Variants in ATAD2B observed in about 807,000 individuals in gnomAD.
ATAD2B encodes the protein ATPase family AAA domain-containing protein 2B.
Under a neutral mutation model 167.6 loss-of-function variants are expected in ATAD2B, and 40 were observed. The ratio of observed to expected loss-of-function variants is 0.24; its 90% CI spans 0.19 to 0.31. The LOEUF (loss-of-function observed/expected upper bound fraction) is 0.31, where lower values mean the gene tolerates loss of function less well. Among genes scored for constraint, ATAD2B ranks in the 10% least tolerant of loss-of-function variants. The pLI, the probability that ATAD2B is intolerant of heterozygous loss-of-function variation, is 1.00. For missense variants in ATAD2B, 1,242 were observed against 1,757.2 expected, an observed-to-expected ratio of 0.71 and a Z score of 5.24; for synonymous variants, 579 against 596.5, an observed-to-expected ratio of 0.97 and a Z score of 0.43.
the ATAD2B span, among the ~76,000 whole-genome samples, chr2:23,724,177 T>C: frequency 6.6e-6 from 1 of 152,124 alleles, no homozygotes; most frequent in Non-Finnish European, 1.5e-5. Context: ...AAATCACAGC[T>C]AGATAGGAGG....
At chr2:23,789,864 T>A (rs1352932194) in intron 19 of ATAD2B, among the ~76,000 whole-genome samples, 1 of 152,168 alleles carries the variant, frequency 6.6e-6, no homozygotes, top group Non-Finnish European at 1.5e-5. Context: ...CTTAAGGTAA[T>A]AAAGTGAATA....
the ATAD2B span, chr2:23,691,910 G>T: frequency 0.02 from 30,054 of 1,537,108 alleles, 321 homozygotes; most frequent in South Asian, 0.03. Flanking sequence ...CGCTTGGGGG[G>T]AAGAGTGCAG....
At chr2:23,904,227 T>C (rs1447769736) in intron 1 of ATAD2B, among the ~76,000 whole-genome samples, 2 of 151,940 alleles carry the variant, frequency 1.3e-5, no homozygotes, top group East Asian at 3.9e-4. Flanking sequence ...AATGCCTAAT[T>C]AATGGGGATA....
At chr2:23,694,432 G>A in the ATAD2B span, among the ~76,000 whole-genome samples, 2 of 151,954 alleles carry the variant, frequency 1.3e-5, no homozygotes, top group East Asian at 3.9e-4. Context: ...CCTCTGTCTT[G>A]CTCCCTCCAA....
chr2:23,902,044 G>T (rs1700905443), intron 1 of ATAD2B, among the ~76,000 whole-genome samples: 3 of 151,954 alleles, frequency 2.0e-5, no homozygotes, highest in African/African-American at 7.3e-5. Context: ...TCAAACTGTT[G>T]TTTACATACT....
chr2:23,836,061 G>C (rs1234836231), intron 13 of ATAD2B, among the ~76,000 whole-genome samples: 1 of 152,152 alleles, frequency 6.6e-6, no homozygotes. Context: ...GACCTGCTGG[G>C]CTCATTCCAC....
At chr2:23,708,718 A>ACTT in the ATAD2B span, 1 of 152,352 alleles carries the variant, frequency 6.6e-6, no homozygotes, top group Non-Finnish European at 1.5e-5. Context: ...TTAGTGCAGA[A>ACTT]CTTAATGATT....
At chr2:23,807,254 AGATT>A (rs968287823) in intron 18 of ATAD2B, among the ~76,000 whole-genome samples, 37 of 151,940 alleles carry the variant, frequency 2.4e-4, no homozygotes, top group African/African-American at 8.0e-4. Flanking sequence ...ACTAATATAA[AGATT>A]AATAGTAGTG....
chr2:23,885,795 T>G lies in ATAD2B; in HGVS notation c.607A>C (p.Ile203Leu). 1 of 1,594,926 alleles carries G rather than the reference T, an allele frequency of 6.3e-7. No individual in the cohort carries two copies. The highest frequency in any genetic ancestry group is 8.6e-7 in the Non-Finnish European group (1 of 1,169,246). Reference sequence around the variant, plus strand: ...GATCGACGATTCCGTCGGATGTTAATGTTGTCCATTTCCTGTAGTACAGCT... The same window carrying G: ...GATCGACGATTCCGTCGGATGTTAAGGTTGTCCATTTCCTGTAGTACAGCT... ...AEAVLQEMDN[I>L]NIRRNRRSGE... The change falls in exon 5 of 28, where the codon ATT (isoleucine) becomes CTT (leucine). Residue 203 changes from isoleucine (I) to leucine (L), a missense_variant. Ile to Leu is a conservative substitution (Grantham distance 5). Transcript: ENST00000238789.
the ATAD2B span, among the ~76,000 whole-genome samples, chr2:23,712,323 T>A: frequency 6.6e-6 from 1 of 152,192 alleles, no homozygotes. Flanking sequence ...ATAGTCCTCT[T>A]TAGAAGTGGT....
intron 15 of ATAD2B, among the ~76,000 whole-genome samples, chr2:23,827,410 T>G (rs1398627895): frequency 6.6e-6 from 1 of 152,168 alleles, no homozygotes; most frequent in Non-Finnish European, 1.5e-5. Context: ...AGAATTAAAC[T>G]AGAGTATATA....
At chr2:23,800,134 A>G (rs1326283270) in intron 18 of ATAD2B, 2 of 152,212 alleles carry the variant, frequency 1.3e-5, no homozygotes, top group Non-Finnish European at 2.9e-5. Flanking sequence ...GGTTACGTGG[A>G]AGACAGTGAC....
At chr2:23,857,900 C>A (rs999831487) in intron 12 of ATAD2B, among the ~76,000 whole-genome samples, 2 of 151,664 alleles carry the variant, frequency 1.3e-5, no homozygotes, top group African/African-American at 4.8e-5. Context: ...CACCACCACG[C>A]CCGGCTAATT....
intron 1 of ATAD2B, 73 bp from the exon 2 acceptor site, chr2:23,896,043 G>T: frequency 7.7e-7 from 1 of 1,296,656 alleles, no homozygotes; most frequent in South Asian, 1.4e-5. Flanking sequence ...TAGGGGCCAG[G>T]CAGTGGCTCA....
chr2:23,835,316 G>C (rs1037449975), intron 13 of ATAD2B, among the ~76,000 whole-genome samples: 2 of 152,108 alleles, frequency 1.3e-5, no homozygotes, highest in Admixed American at 1.3e-4. Flanking sequence ...CCATACAATG[G>C]AACAGTATTC....
intron 24 of ATAD2B, among the ~76,000 whole-genome samples, chr2:23,759,220 G>A (rs1416205247): frequency 6.6e-6 from 1 of 151,794 alleles, no homozygotes; most frequent in African/African-American, 2.4e-5. Context: ...TTTTTTCTGT[G>A]GTTATGAACA....
At chr2:23,803,760 C>T (rs557636971) in intron 18 of ATAD2B, among the ~76,000 whole-genome samples, 1 of 152,256 alleles carries the variant, frequency 6.6e-6, no homozygotes, top group South Asian at 2.1e-4. Context: ...ACATGATCCC[C>T]ACAGTATAAA....
At chr2:23,832,865 T>C (rs1013198300) in intron 14 of ATAD2B, among the ~76,000 whole-genome samples, 3 of 152,220 alleles carry the variant, frequency 2.0e-5, no homozygotes, top group Admixed American at 2.0e-4. Context: ...TGTTGTTAGA[T>C]GTCCCAAACA....
chr2:23,694,659 G>A, the ATAD2B span, among the ~76,000 whole-genome samples: 3 of 152,248 alleles, frequency 2.0e-5, no homozygotes, highest in East Asian at 1.9e-4. Context: ...GTTACATCTC[G>A]TAAGAATAAA....
Sources: gnomAD v4.1 joint callset for allele counts (sites outside exome capture counted in the v4.1 genomes callset) on GRCh38, gnomAD v4.1.1 for gene constraint, MANE v1.5 for transcripts, NCBI Gene and HGNC (gene_info 2026-07-23, HGNC 2026-07-21) for gene names.